Variants in SMARCA1 observed in about 807,000 individuals in gnomAD.
SMARCA1 encodes SWI/SNF-related matrix-associated actin-dependent regulator of chromatin subfamily A member 1.
A neutral mutation model predicts 93.6 loss-of-function variants in SMARCA1; 17 were observed. The ratio of observed to expected loss-of-function variants is 0.18; its 90% CI spans 0.12 to 0.27. The LOEUF is 0.27. SMARCA1 is among the 10% of genes least tolerant of loss of function. The pLI is 1.00. For missense variants in SMARCA1, 630 were observed against 819.0 expected, an observed-to-expected ratio of 0.77 and a Z score of 2.82; for synonymous variants, 271 against 271.4, an observed-to-expected ratio of 1.00 and a Z score of 0.01.
In SMARCA1 at chrX:129,480,723, T is replaced by A. The variant is rs181583392; in HGVS notation, c.2420A>T (p.Tyr807Phe). The A allele has an allele frequency of 9.1e-7, 1 of 1,101,659 alleles. No homozygotes were observed. The highest frequency in any genetic ancestry group is 3.3e-5 in the East Asian group (1 of 30,424). 90.8% of individuals were successfully genotyped at this position (1,101,659 alleles called of 1,213,427 possible). ...FELLEKEILY[Y>F]RKTIGYKVPR... Reference sequence around the variant, plus strand: ...TACCTTATAGCCTATTGTCTTCCGATAATAAAGAATTTCCTTTTCCAGGAG... The same window carrying A: ...TACCTTATAGCCTATTGTCTTCCGAAAATAAAGAATTTCCTTTTCCAGGAG... The change falls in exon 19 of 25, where the codon TAT (tyrosine) becomes TTT (phenylalanine). Residue 807 changes from tyrosine (Y) to phenylalanine (F), a missense_variant. Tyr to Phe is a conservative substitution (Grantham distance 22). Coordinates refer to ENST00000371121, the MANE Select transcript of SMARCA1 (RefSeq NM_001282874.2).
At chrX:129,506,603 T>A (rs1250796625) in intron 7 of SMARCA1, among the ~76,000 whole-genome samples, 1 of 101,074 alleles carries the variant, frequency 9.9e-6, no homozygotes, top group African/African-American at 3.7e-5. Flanking sequence ...GGCAGGAGAA[T>A]CATTTCAATC....
At chrX:129,513,733 C>T (rs993408071) in intron 5 of SMARCA1, among the ~76,000 whole-genome samples, 8 of 109,290 alleles carry the variant, frequency 7.3e-5, no homozygotes, top group Non-Finnish European at 1.5e-4. Flanking sequence ...CAAGCTCCTC[C>T]CCCTCTGAGC....
Position 129,506,185 on chromosome X carries a change from C to A in SMARCA1, c.993G>T (p.Lys331Asn), listed in dbSNP as rs201008766. The A allele has an allele frequency of 8.4e-7, 1 of 1,192,153 alleles. No homozygotes were observed. Among genetic ancestry groups the A allele is most frequent in the East Asian group, 3.0e-5 (1 of 33,704 alleles). ...CAGTTAGGAGCAAGCGGTTAGTCGA[C>A]TTGAACTCACGAACAATCTCTGAAA... Reference protein sequence around the residue: ...SKLSEIVREFKSTNRLLLTGT... With the variant: ...SKLSEIVREFNSTNRLLLTGT... The change falls in exon 8 of 25, where the codon AAG (lysine) becomes AAT (asparagine). Residue 331 changes from lysine to asparagine, a missense_variant. Physicochemically the swap from Lys to Asn is moderately conservative, Grantham distance 94. This residue lies in a region of SMARCA1 where 382 missense variants were observed against 537.9 expected (regional missense o/e 0.71). Coordinates refer to ENST00000371121, the MANE Select transcript of SMARCA1 (RefSeq NM_001282874.2).
intron 19 of SMARCA1, among the ~76,000 whole-genome samples, chrX:129,479,443 A>C (rs1933542423): frequency 9.1e-6 from 1 of 109,866 alleles, no homozygotes; most frequent in African/African-American, 3.3e-5. Context: ...TCTTATATGA[A>C]TGTTCACCCT....
intron 12 of SMARCA1, among the ~76,000 whole-genome samples, chrX:129,495,555 G>A (rs1468289838): frequency 1.8e-5 from 2 of 109,743 alleles, no homozygotes; most frequent in African/African-American, 6.6e-5. Context: ...TTTTATTTTT[G>A]TAGAGACCGG....
chrX:129,507,263 T>C (rs1413665428), intron 7 of SMARCA1, among the ~76,000 whole-genome samples: 2 of 111,464 alleles, frequency 1.8e-5, no homozygotes, highest in African/African-American at 6.5e-5. Flanking sequence ...TATTTTTCAG[T>C]GTTAACACCA....
At chrX:129,466,525 C>T (rs765714152) in intron 21 of SMARCA1, among the ~76,000 whole-genome samples, 1 of 110,563 alleles carries the variant, frequency 9.0e-6, no homozygotes, top group East Asian at 2.8e-4. Context: ...CATGGTGGTG[C>T]GTGCCTGTAA....
rs1415893334 is a variant in SMARCA1 at position 129,468,774 on chromosome X, T to C, written c.2697A>G (p.Ser899=). The stretch of plus-strand genomic sequence containing the variant: ...CCATGTTTCAAATTATATACAAACC[T>C]GAATACTCCATGACCTCCTCAGGGG... ...GKSPEEVMEY[S]AVFWERCNEL... is the part of the protein sequence containing the mutation. Residue 899 remains serine, a splice_region_variant and synonymous_variant, in exon 21 of 25, where the codon TCA becomes TCG. Transcript: ENST00000371121. The C allele has an allele frequency of 8.5e-7, 1 of 1,174,429 alleles. No homozygotes were observed. Among genetic ancestry groups the C allele is most frequent in the Non-Finnish European group, 1.1e-6 (1 of 870,627 alleles).
intron 7 of SMARCA1, 95 bp from the exon 8 acceptor site, chrX:129,506,306 A>G (rs1487090949): frequency 1.5e-6 from 1 of 659,874 alleles, no homozygotes; most frequent in Non-Finnish European, 2.3e-6. Context: ...ATTTTTGACT[A>G]CAATATAACT....
intron 12 of SMARCA1, among the ~76,000 whole-genome samples, chrX:129,495,875 C>G (rs1362173415): frequency 2.8e-5 from 3 of 105,467 alleles, no homozygotes; most frequent in African/African-American, 7.0e-5. Flanking sequence ...CAGGTTCAAG[C>G]AATTCTGCTG....
At chrX:129,504,566 A>AAAAAAAAT (rs1569446127) in intron 9 of SMARCA1, among the ~76,000 whole-genome samples, 168 bp downstream of exon 9, 25 of 97,499 alleles carry the variant, frequency 2.6e-4, no homozygotes, top group African/African-American at 9.4e-4. Flanking sequence ...AAAAAAAAAA[A>AAAAAAAAT]AAAAAAAAAA....
intron 23 of SMARCA1, among the ~76,000 whole-genome samples, chrX:129,462,332 G>A (rs770377437): frequency 1.8e-5 from 2 of 111,790 alleles, no homozygotes; most frequent in East Asian, 5.6e-4. Flanking sequence ...AATCACAAGT[G>A]CCTCTTTCAA....
At chrX:129,454,095 T>C (rs1281525885) in intron 23 of SMARCA1, among the ~76,000 whole-genome samples, 2 of 111,364 alleles carry the variant, frequency 1.8e-5, no homozygotes, top group Non-Finnish European at 3.8e-5. Context: ...AAAACAGATA[T>C]ATAGACCAAT....
At chrX:129,521,379 A>G (rs1419440148) in intron 1 of SMARCA1, among the ~76,000 whole-genome samples, 1 of 111,696 alleles carries the variant, frequency 9.0e-6, no homozygotes, top group Non-Finnish European at 1.9e-5. Flanking sequence ...TATGTAATGT[A>G]TTTCATTTTT....
In SMARCA1 at chrX:129,515,712, A is replaced by C; in HGVS notation, c.605T>G (p.Val202Gly). 8.6e-7 allele frequency: 1 copy of C among 1,169,338 alleles called. No homozygotes were observed. The highest frequency in any genetic ancestry group is 1.2e-6 in the Non-Finnish European group (1 of 857,767). ...CATTTCATCAGCCAAAATGCCATTG[A>C]CTCCATTTTCATATAAAGAGATCAA... The part of the protein sequence containing the change: ...NWLISLYENG[V>G]NGILADEMGL... The change falls in exon 5 of 25, where the codon GTC becomes GGC. Residue 202 changes from valine (V) to glycine (G), a missense_variant. By Grantham distance (109) the Val-to-Gly change is moderately radical. This residue lies in a region of SMARCA1 where 382 missense variants were observed against 537.9 expected (regional missense o/e 0.71). Coordinates refer to ENST00000371121, the MANE Select transcript of SMARCA1 (RefSeq NM_001282874.2).
intron 23 of SMARCA1, among the ~76,000 whole-genome samples, chrX:129,455,399 G>A (rs1932565459): frequency 1.2e-5 from 1 of 85,135 alleles, no homozygotes; most frequent in African/African-American, 4.6e-5. Context: ...AGTGGGAGTT[G>A]AACAATGAGA....
At chrX:129,466,421 G>A (rs765988273) in intron 21 of SMARCA1, among the ~76,000 whole-genome samples, 1 of 111,714 alleles carries the variant, frequency 9.0e-6, no homozygotes, top group African/African-American at 3.2e-5. Context: ...TTGGGAGGCT[G>A]AGGTGGGCAG....
At position 129,515,937 on chromosome X, in the gene SMARCA1, C is replaced by T; in HGVS notation, c.486G>A (p.Arg162=). 1 of 1,209,881 alleles carries T rather than the reference C, an allele frequency of 8.3e-7. No individual in the cohort carries two copies. Among genetic ancestry groups the T allele is most frequent in the Non-Finnish European group, 1.1e-6 (1 of 893,495 alleles). Residue 162 remains arginine (R), a synonymous_variant, in exon 4 of 25, where the codon CGG becomes CGA. Transcript: ENST00000371121. ...EEDEELLSES[R]KTSNVCIRFE... Reference sequence around the variant, plus strand: ...ATCTAATACACACATTAGATGTTTTCCGACTCTCAGACAGTAGCTCTTCAT... The same window carrying T: ...ATCTAATACACACATTAGATGTTTTTCGACTCTCAGACAGTAGCTCTTCAT...
intron 19 of SMARCA1, among the ~76,000 whole-genome samples, chrX:129,477,871 T>C (rs1370322341): frequency 9.4e-6 from 1 of 106,218 alleles, no homozygotes; most frequent in African/African-American, 3.4e-5. Context: ...TAATATGACC[T>C]ACAAAGCCCT....
Sources: allele counts gnomAD v4.1 joint callset (sites outside exome capture counted in the v4.1 genomes callset), GRCh38; gene constraint gnomAD v4.1.1; regional missense constraint gnomAD v4.1.1; transcripts MANE v1.5; gene names NCBI Gene and HGNC (gene_info 2026-07-23, HGNC 2026-07-21).